The following OR4D2 variants were observed in gnomAD, a reference collection of about 807,000 sequenced individuals.
OR4D2 encodes the protein olfactory receptor 4D2.
A neutral mutation model predicts 12.4 loss-of-function variants in OR4D2; 9 were observed. That is an observed-to-expected ratio of 0.73 (90% CI 0.44 to 1.27). The LOEUF (loss-of-function observed/expected upper bound fraction) is 1.27, where lower values mean the gene tolerates loss of function less well. OR4D2 is among the 50% of genes most tolerant of loss of function. OR4D2 has a pLI of 0.00. For synonymous variants in OR4D2, 151 were observed against 151.1 expected, an observed-to-expected ratio of 1.00 and a Z score of 0.01; for missense variants, 373 against 381.6, an observed-to-expected ratio of 0.98 and a Z score of 0.19.
chr17:58,169,531 A>T lies in OR4D2; in HGVS notation c.-18-107A>T, dbSNP rs1056808986. On this transcript the variant is annotated intron_variant, in intron 1 of 1. Coordinates refer to ENST00000545221, the MANE Select transcript of OR4D2 (RefSeq NM_001004707.4). The stretch of plus-strand genomic sequence containing the variant: ...CAGCACCTAGTATAATGGTCTACAC[A>T]TAAGGATGCTCATCATATGGGCCTA... 5.3e-6 allele frequency: 4 copies of T among 751,674 alleles called. No individual in the cohort carries two copies. The African/African-American group carries it at 6.9e-5, about 13-fold the overall frequency. The allele number at this position is 751,674 out of a possible 1,614,324, so 46.6% of individuals were successfully genotyped here.
rs371434315 is a variant in OR4D2 at position 58,169,638 on chromosome 17, G to C, written c.-18G>C. ...TGTGTCTGTGGTTCATTTTCTTCAGGTGTATGGAGAAAACACCATGGAAAC... is the reference window on the plus strand; with the variant it reads ...TGTGTCTGTGGTTCATTTTCTTCAGCTGTATGGAGAAAACACCATGGAAAC... On this transcript the variant is annotated splice_region_variant and 5_prime_UTR_variant, in exon 2 of 2. Coordinates refer to ENST00000545221, the MANE Select transcript of OR4D2 (RefSeq NM_001004707.4). The C allele has an allele frequency of 1.1e-5, 18 of 1,595,490 alleles. No homozygotes were observed. Among genetic ancestry groups the C allele is most frequent in the East Asian group, 4.5e-5 (2 of 44,802 alleles).
Position 58,170,272 on chromosome 17 carries a change from T to A in OR4D2, c.617T>A (p.Leu206Gln). Residue 206 changes from leucine to glutamine, a missense_variant, in exon 2 of 2, where the codon CTG becomes CAG. Coordinates refer to ENST00000545221, the MANE Select transcript of OR4D2 (RefSeq NM_001004707.4). ...CTCAAGATCTCCAACAGTGGGCTGC[T>A]GGATGTCGTCTGGTTCTTCCTCCTC... is the stretch of plus-strand genomic sequence containing the variant. ...EFLKISNSGLLDVVWFFLLLM... is the reference protein window; with the variant it reads ...EFLKISNSGLQDVVWFFLLLM... The A allele has an allele frequency of 6.2e-7, 1 of 1,614,228 alleles. No individual in the cohort carries two copies. Among genetic ancestry groups the A allele is most frequent in the Non-Finnish European group, 8.5e-7 (1 of 1,180,026 alleles).
At chr17:58,167,335 T>C (rs972280418) in intron 1 of OR4D2, among the ~76,000 whole-genome samples, 2 of 152,228 alleles carry the variant, frequency 1.3e-5, no homozygotes, top group Non-Finnish European at 2.9e-5. Flanking sequence ...AAAGGGAAAG[T>C]GATATTTCTC....
At chr17:58,168,204 T>TC (rs111476463) in intron 1 of OR4D2, among the ~76,000 whole-genome samples, 2 of 151,090 alleles carry the variant, frequency 1.3e-5, no homozygotes, top group African/African-American at 2.4e-5. Flanking sequence ...CTTCTTCTTT[T>TC]TTTTTTGTTT....
rs111679139 is a variant in OR4D2 at position 58,169,768 on chromosome 17, C to T, written c.113C>T (p.Thr38Ile). 1.2e-3 allele frequency: 1,868 copies of T among 1,614,044 alleles called. 16 individuals carry two copies. The African/African-American group carries it at 0.022, about 19-fold the overall frequency. The part of the protein sequence containing the change: ...FLMFLFVYIT[T>I]VMGNILIIIT... ...ATGTTCCTGTTTGTCTACATCACCA[C>T]TGTTATGGGAAACATCCTTATCATC... Residue 38 changes from threonine (T) to isoleucine (I), a missense_variant, in exon 2 of 2, where the codon ACT becomes ATT. Coordinates refer to ENST00000545221, the MANE Select transcript of OR4D2 (RefSeq NM_001004707.4).
Position 58,170,022 on chromosome 17 carries a change from C to T in OR4D2, c.367C>T (p.Leu123Phe). 2 of 1,614,134 alleles carry T rather than the reference C, an allele frequency of 1.2e-6. No homozygotes were observed. The highest frequency in any genetic ancestry group is 1.7e-6 in the Non-Finnish European group (2 of 1,180,034). ...CCTCTCAGTGATGGCCTTTGACCGC[C>T]TCATTGCCATCTCCCGGCCCCTCCG... Reference protein sequence around the residue: ...FFLSVMAFDRLIAISRPLRYV... With the variant: ...FFLSVMAFDRFIAISRPLRYV... Residue 123 changes from leucine (L) to phenylalanine (F), a missense_variant, in exon 2 of 2, where the codon CTC becomes TTC. Leu to Phe is a conservative substitution (Grantham distance 22). Transcript: ENST00000545221.
intron 1 of OR4D2, 176 bp from the exon 2 acceptor site, chr17:58,169,462 A>T (rs1295595104): frequency 1.2e-5 from 7 of 607,578 alleles, no homozygotes; most frequent in Admixed American, 2.9e-5. Flanking sequence ...AGATTTCAGG[A>T]ATGTATATTC....
rs1187799633 is a variant in OR4D2, at chr17:58,170,422, A to T, written c.767A>T (p.Tyr256Phe). 6.2e-7 allele frequency: 1 copy of T among 1,614,002 alleles called. No individual in the cohort carries two copies. Among genetic ancestry groups the T allele is most frequent in the Non-Finnish European group, 8.5e-7 (1 of 1,179,992 alleles). Reference sequence around the variant, plus strand: ...TCCATGATCTTCGTTCCAAGCATTTACCTCTATGCCCGGCCCTTCACTCCA... The same window carrying T: ...TCCATGATCTTCGTTCCAAGCATTTTCCTCTATGCCCGGCCCTTCACTCCA... ...VVSMIFVPSIYLYARPFTPFP... is the reference protein window; with the variant it reads ...VVSMIFVPSIFLYARPFTPFP... The change falls in exon 2 of 2, where the codon TAC becomes TTC. Residue 256 changes from tyrosine (Y) to phenylalanine (F), a missense_variant. Tyr to Phe is a conservative substitution (Grantham distance 22, BLOSUM62 3). Coordinates refer to ENST00000545221, the MANE Select transcript of OR4D2 (RefSeq NM_001004707.4).
rs749259058 is a variant in OR4D2 at position 58,170,048 on chromosome 17, C to T, written c.393C>T (p.Arg131=). The T allele has an allele frequency of 9.3e-6, 15 of 1,614,016 alleles. No individual in the cohort carries two copies. The highest frequency in any genetic ancestry group is 1.2e-5 in the Non-Finnish European group (14 of 1,180,038). The change falls in exon 2 of 2, where the codon CGC becomes CGT. Residue 131 remains arginine (R), a synonymous_variant. Coordinates refer to ENST00000545221, the MANE Select transcript of OR4D2 (RefSeq NM_001004707.4). ...DRLIAISRPL[R]YVTVMNTQLW... The stretch of plus-strand genomic sequence containing the variant: ...TCATTGCCATCTCCCGGCCCCTCCG[C>T]TATGTCACCGTCATGAACACTCAGC...
rs144391973 is a variant in OR4D2, at chr17:58,170,442, A to G, written c.787A>G (p.Thr263Ala). The G allele has an allele frequency of 5.8e-4, 943 of 1,613,954 alleles. 7 individuals are homozygous for G. In the African/African-American group the frequency reaches 8.9e-3, roughly 15 times the overall value. ...PSIYLYARPF[T>A]PFPMDKLVSI... ...CATTTACCTCTATGCCCGGCCCTTC[A>G]CTCCATTCCCTATGGACAAGCTTGT... The change falls in exon 2 of 2, where the codon ACT becomes GCT. Residue 263 changes from threonine to alanine, a missense_variant. Transcript: ENST00000545221.
Position 58,170,322 on chromosome 17 carries a change from G to A in OR4D2, c.667G>A (p.Val223Met). The A allele has an allele frequency of 6.2e-7, 1 of 1,614,152 alleles. No individual in the cohort carries two copies. Among genetic ancestry groups the A allele is most frequent in the South Asian group, 1.1e-5 (1 of 91,076 alleles). ...CCTGATGTCCTACTTATTCATCCTGGTGATGCTGAGGTCACATCCAGGGGA... is the reference window on the plus strand; with the variant it reads ...CCTGATGTCCTACTTATTCATCCTGATGATGCTGAGGTCACATCCAGGGGA... ...LLLMSYLFIL[V>M]MLRSHPGEAR... The change falls in exon 2 of 2, where the codon GTG (valine) becomes ATG (methionine). Residue 223 changes from valine (V) to methionine (M), a missense_variant. Transcript: ENST00000545221.
At chr17:58,168,761 C>T (rs1259207755) in intron 1 of OR4D2, among the ~76,000 whole-genome samples, 1 of 152,186 alleles carries the variant, frequency 6.6e-6, no homozygotes, top group Non-Finnish European at 1.5e-5. Context: ...TCCAATGACT[C>T]TCCCTCCCTT....
At chr17:58,169,606 A>T (rs745892983) in intron 1 of OR4D2, 32 bp from the exon 2 acceptor site, 2 of 1,460,378 alleles carry the variant, frequency 1.4e-6, no homozygotes, top group Non-Finnish European at 1.9e-6. Context: ...TAGTGACTTC[A>T]TGTATCTGTG....
intron 1 of OR4D2, among the ~76,000 whole-genome samples, chr17:58,169,222 A>C (rs931804989): frequency 6.6e-6 from 1 of 152,242 alleles, no homozygotes; most frequent in African/African-American, 2.4e-5. Context: ...CTTTATATCT[A>C]TCATTCTACT....
intron 1 of OR4D2, among the ~76,000 whole-genome samples, chr17:58,167,800 G>T (rs1967906842): frequency 6.6e-6 from 1 of 151,736 alleles, no homozygotes; most frequent in Non-Finnish European, 1.5e-5. Context: ...GGATCACGAG[G>T]TCAGGAGATC....
rs1326103795 is a variant in OR4D2 at position 58,170,395 on chromosome 17, T to C, written c.740T>C (p.Val247Ala). ...ASTCTTHIIV[V>A]SMIFVPSIYL... ...ACCTGCACCACCCACATCATCGTGG[T>C]TTCCATGATCTTCGTTCCAAGCATT... The change falls in exon 2 of 2, where the codon GTT becomes GCT. Residue 247 changes from valine (V) to alanine (A), a missense_variant. Val to Ala is a moderately conservative substitution (Grantham distance 64). Transcript: ENST00000545221. The C allele has an allele frequency of 1.9e-6, 3 of 1,614,176 alleles. No individual in the cohort carries two copies. The highest frequency in any genetic ancestry group is 1.7e-6 in the Non-Finnish European group (2 of 1,180,032).
In OR4D2 at chr17:58,170,661, C is replaced by T; in HGVS notation, c.*82C>T. ...AGGGAGCTACTACCTTTGCTCTCTT[C>T]ATAGTGTGTTGAGGTTCATCATAGC... On this transcript the variant is annotated 3_prime_UTR_variant, in exon 2 of 2. Transcript: ENST00000545221. 1 of 1,093,614 alleles carries T rather than the reference C, an allele frequency of 9.1e-7. No individual in the cohort carries two copies. Among genetic ancestry groups the T allele is most frequent in the Non-Finnish European group, 1.4e-6 (1 of 710,334 alleles). The allele number at this position is 1,093,614 out of a possible 1,614,324, so 67.7% of individuals were successfully genotyped here.
rs1487341115 is a variant in OR4D2, at chr17:58,169,703, G to C, written c.48G>C (p.Gly16=). 6.2e-7 allele frequency: 1 copy of C among 1,614,004 alleles called. No homozygotes were observed. Among genetic ancestry groups the C allele is most frequent in the Non-Finnish European group, 8.5e-7 (1 of 1,180,008 alleles). Residue 16 remains glycine, a synonymous_variant, in exon 2 of 2, where the codon GGG becomes GGC. Coordinates refer to ENST00000545221, the MANE Select transcript of OR4D2 (RefSeq NM_001004707.4). ...LTWVSDFVFL[G]LSQTRELQRF... is the part of the protein sequence containing the mutation. The stretch of plus-strand genomic sequence containing the variant: ...GGGTATCAGACTTTGTCTTCCTGGG[G>C]CTCTCGCAGACTCGGGAGCTCCAGC...
Position 58,170,186 on chromosome 17 carries a change from C to T in OR4D2, c.531C>T (p.Phe177=), listed in dbSNP as rs764244921. The change falls in exon 2 of 2, where the codon TTC becomes TTT. Residue 177 remains phenylalanine (F), a synonymous_variant. Transcript: ENST00000545221. ...PFCGPNILDN[F]YCDVPQVLRL... ...GTGGCCCCAACATTTTGGATAACTT[C>T]TACTGTGATGTTCCCCAAGTACTGA... is the stretch of plus-strand genomic sequence containing the variant. 1 of 1,614,232 alleles carries T rather than the reference C, an allele frequency of 6.2e-7. No homozygotes were observed. Among genetic ancestry groups the T allele is most frequent in the Admixed American group, 1.7e-5 (1 of 60,028 alleles).
Sources: gnomAD v4.1 joint callset for allele counts (sites outside exome capture counted in the v4.1 genomes callset) on GRCh38, gnomAD v4.1.1 for gene constraint, MANE v1.5 for transcripts, NCBI Gene and HGNC (gene_info 2026-07-23, HGNC 2026-07-21) for gene names.